CRPPA: variants seen among roughly 807,000 people sequenced by gnomAD.
CRPPA encodes D-ribitol-5-phosphate cytidylyltransferase.
CRPPA carries 43 observed loss-of-function variants against 52.0 expected under a neutral mutation model. That is an observed-to-expected ratio of 0.83 (90% CI 0.65 to 1.07). The LOEUF (loss-of-function observed/expected upper bound fraction) is 1.07, where lower values mean the gene tolerates loss of function less well. Among genes scored for constraint, CRPPA ranks in the 50% least tolerant of loss-of-function variants. The pLI is 0.00. For synonymous variants in CRPPA, 250 were observed against 203.5 expected (o/e 1.23, Z -1.94); for missense variants, 629 against 551.7 (o/e 1.14, Z -1.40).
At chr7:16,161,782 C>G (rs772357326) in intron 9 of CRPPA, among the ~76,000 whole-genome samples, 2 of 152,106 alleles carry the variant, frequency 1.3e-5, no homozygotes, top group Non-Finnish European at 2.9e-5. Context: ...ATTTGTACCC[C>G]TGGTAGAAAT....
At chr7:16,387,078 TATATATATACAC>T (rs1467637081) in intron 2 of CRPPA, among the ~76,000 whole-genome samples, 2,808 of 46,412 alleles carry the variant, frequency 0.061, 81 homozygotes, top group East Asian at 0.17. Flanking sequence ...TATATATATA[TATATATATACAC>T]ACATATATAT....
intron 8 of CRPPA, among the ~76,000 whole-genome samples, chr7:16,228,995 A>G (rs948580082): frequency 2.6e-5 from 4 of 152,044 alleles, no homozygotes; most frequent in Admixed American, 1.3e-4. Context: ...TTGGTTGCAT[A>G]TATCACAACT....
intron 9 of CRPPA, among the ~76,000 whole-genome samples, chr7:16,179,526 G>A (rs924036543): frequency 6.6e-6 from 1 of 152,030 alleles, no homozygotes; most frequent in Admixed American, 6.6e-5. Context: ...TGGAGGCAGA[G>A]ACTGAAGTCT....
chr7:16,113,438 T>A (rs1332802313), intron 9 of CRPPA, among the ~76,000 whole-genome samples: 1 of 151,716 alleles, frequency 6.6e-6, no homozygotes. Flanking sequence ...TTCCACCAAC[T>A]ACAGAACAAA....
chr7:16,416,909 G>C (rs1788208933), intron 1 of CRPPA, among the ~76,000 whole-genome samples: 2 of 152,068 alleles, frequency 1.3e-5, no homozygotes, highest in Non-Finnish European at 2.9e-5. Context: ...GCACTCTCAA[G>C]CAAAGGCCTA....
intron 4 of CRPPA, among the ~76,000 whole-genome samples, chr7:16,304,169 G>A (rs1185893553): frequency 1.3e-5 from 2 of 151,990 alleles, no homozygotes; most frequent in African/African-American, 2.4e-5. Context: ...AAAATAAGAG[G>A]GTTTACTTGG....
At chr7:16,188,478 G>A (rs1243265159) in intron 9 of CRPPA, among the ~76,000 whole-genome samples, 1 of 152,156 alleles carries the variant, frequency 6.6e-6, no homozygotes, top group Non-Finnish European at 1.5e-5. Context: ...GCATCACATA[G>A]TATTGTAGTT....
chr7:16,104,685 G>C (rs937278086), intron 9 of CRPPA, among the ~76,000 whole-genome samples: 3 of 152,128 alleles, frequency 2.0e-5, no homozygotes, highest in African/African-American at 7.2e-5. Context: ...CAGATCACGA[G>C]GTCAGGGGAT....
At position 16,325,410 on chromosome 7, in the gene CRPPA, T is replaced by C. The variant is rs139166388; in HGVS notation, c.685-16783A>G. Among the ~76,000 whole-genome samples, 206 of 152,272 alleles carry C rather than the reference T, an allele frequency of 1.4e-3. 2 individuals are homozygous for C. The highest frequency in any genetic ancestry group is 4.8e-3 in the African/African-American group (201 of 41,560). ...TCTCAGCAACTTGCCAGTTGCCAAT[T>C]ATATTTTTCCAATAACATGTCTTTC... On this transcript the variant is annotated intron_variant, in intron 3 of 9. Transcript: ENST00000407010.
intron 3 of CRPPA, among the ~76,000 whole-genome samples, chr7:16,332,944 C>A (rs773310374): frequency 6.6e-5 from 10 of 151,530 alleles, no homozygotes; most frequent in Non-Finnish European, 1.0e-4. Context: ...GAAAAAAAAA[C>A]CACGCTAACA....
At chr7:16,337,900 G>C (rs983632220) in intron 3 of CRPPA, among the ~76,000 whole-genome samples, 15 of 152,080 alleles carry the variant, frequency 9.9e-5, no homozygotes, top group Admixed American at 2.0e-4. Context: ...CTTCACTGTT[G>C]AATTCCACCG....
At chr7:16,283,444 T>A (rs141533611) in intron 5 of CRPPA, among the ~76,000 whole-genome samples, 1 of 150,148 alleles carries the variant, frequency 6.7e-6, no homozygotes, top group Non-Finnish European at 1.5e-5. Context: ...ATATGATATA[T>A]ATGACACTAT....
intron 4 of CRPPA, 37 bp downstream of exon 4, chr7:16,308,486 A>G: frequency 8.7e-7 from 1 of 1,143,870 alleles, no homozygotes; most frequent in Non-Finnish European, 1.3e-6. Flanking sequence ...ACATGAAAGC[A>G]CAGAAAAGAA....
At position 16,089,558 on chromosome 7, in the gene CRPPA, A is replaced by C. The variant is rs902932712; in HGVS notation, c.*2137T>G. ...ATACATATATATGTATATACATGTA[A>C]GTATATACATATATATGGGTATACA... On this transcript the variant is annotated 3_prime_UTR_variant, in exon 10 of 10. Transcript: ENST00000407010. 1.7e-5 allele frequency: 4 copies of C among 231,628 alleles called. No homozygotes were observed. In the East Asian group the frequency reaches 2.6e-4, roughly 15 times the overall value. The allele number at this position is 231,628 out of a possible 1,614,324, so 14.3% of individuals were successfully genotyped here.
chr7:16,254,792 G>GAAGGAAAGAAAGAAA (rs1783573898), intron 8 of CRPPA, among the ~76,000 whole-genome samples: 95 of 101,750 alleles, frequency 9.3e-4, no homozygotes, highest in African/African-American at 3.8e-3. Context: ...AAAGAAAGAA[G>GAAGGAAAGAAAGAAA]GAAAGAAAGA....
chr7:16,225,610 T>C (rs565419084), intron 8 of CRPPA, among the ~76,000 whole-genome samples: 2 of 151,982 alleles, frequency 1.3e-5, no homozygotes, highest in East Asian at 3.9e-4. Flanking sequence ...GTTTACAATA[T>C]CATATTTTAG....
intron 9 of CRPPA, among the ~76,000 whole-genome samples, chr7:16,142,427 C>G (rs971954644): frequency 1.3e-5 from 2 of 152,098 alleles, no homozygotes; most frequent in African/African-American, 2.4e-5. Context: ...GAATAAAGTT[C>G]TACATTATTG....
At chr7:16,235,603 C>G (rs1782927618) in intron 8 of CRPPA, among the ~76,000 whole-genome samples, 1 of 151,972 alleles carries the variant, frequency 6.6e-6, no homozygotes, top group Admixed American at 6.6e-5. Flanking sequence ...ACTGTGTAGA[C>G]AGGCCACAAA....
At chr7:16,234,979 G>A (rs888864987) in intron 8 of CRPPA, among the ~76,000 whole-genome samples, 1 of 152,062 alleles carries the variant, frequency 6.6e-6, no homozygotes, top group Non-Finnish European at 1.5e-5. Context: ...AGTATTTCCA[G>A]AGGGCAAACT....
Sources: gnomAD v4.1 joint callset for allele counts (sites outside exome capture counted in the v4.1 genomes callset) on GRCh38, gnomAD v4.1.1 for gene constraint, MANE v1.5 for transcripts, NCBI Gene and HGNC (gene_info 2026-07-23, HGNC 2026-07-21) for gene names.